ROBO2: variants seen among roughly 807,000 people sequenced by gnomAD.
ROBO2 encodes roundabout guidance receptor 2.
Under a neutral mutation model 160.8 loss-of-function variants are expected in ROBO2, and 53 were observed. The observed-to-expected ratio is 0.33, with a 90% CI of 0.26 to 0.41. The LOEUF is 0.41. Ranked by LOEUF, ROBO2 falls within the 10% of genes least tolerant of loss-of-function variation. The pLI is 1.00. For synonymous variants in ROBO2, 664 were observed against 611.7 expected, an observed-to-expected ratio of 1.09 and a Z score of -1.26; for missense variants, 1,577 against 1,722.4, an observed-to-expected ratio of 0.92 and a Z score of 1.49.
chr3:77,346,159 A>G (rs2067611281), intron 2 of ROBO2, among the ~76,000 whole-genome samples: 1 of 152,180 alleles, frequency 6.6e-6, no homozygotes, highest in African/African-American at 2.4e-5. Context: ...TAAACAAGTA[A>G]TGATTCTGTA....
chr3:77,334,806 A>G (rs1424465639), intron 2 of ROBO2, among the ~76,000 whole-genome samples: 2 of 152,160 alleles, frequency 1.3e-5, no homozygotes, highest in Non-Finnish European at 1.5e-5. Flanking sequence ...TAGGCCTTAT[A>G]ATTGAGATTT....
rs114786756 is a variant in ROBO2, at chr3:76,544,138, G to C, written c.110-553876G>C. ...TTGCCAAGACTGAGCTCATCTTGTTGAGAAATATGCTCAGTTTCTTCATGT... is the reference window on the plus strand; with the variant it reads ...TTGCCAAGACTGAGCTCATCTTGTTCAGAAATATGCTCAGTTTCTTCATGT... On this transcript the variant is annotated intron_variant, in intron 2 of 26. Transcript: ENST00000487694. Among the ~76,000 whole-genome samples the C allele has an allele frequency of 2.7e-3, 416 of 152,106 alleles. 6 individuals are homozygous for C. The highest frequency in any genetic ancestry group is 9.8e-3 in the African/African-American group (406 of 41,522).
At chr3:76,582,871 T>C (rs2108746104) in intron 2 of ROBO2, among the ~76,000 whole-genome samples, 1 of 151,990 alleles carries the variant, frequency 6.6e-6, no homozygotes, top group East Asian at 1.9e-4. Context: ...TATTTTGAGA[T>C]TTGGTAGCCT....
intron 2 of ROBO2, among the ~76,000 whole-genome samples, chr3:77,135,810 T>C (rs1284374883): frequency 6.6e-6 from 1 of 152,222 alleles, no homozygotes; most frequent in Non-Finnish European, 1.5e-5. Context: ...TTAATCATTT[T>C]CCATCACTGT....
chr3:76,500,119 TTTAA>T (rs560843029), intron 2 of ROBO2, among the ~76,000 whole-genome samples: 5 of 152,080 alleles, frequency 3.3e-5, no homozygotes, highest in Non-Finnish European at 5.9e-5. Context: ...GTTTATTTTA[TTTAA>T]TTAATTTTTT....
intron 4 of ROBO2, among the ~76,000 whole-genome samples, chr3:77,486,863 C>T (rs1456715497): frequency 6.6e-6 from 1 of 152,060 alleles, no homozygotes; most frequent in African/African-American, 2.4e-5. Flanking sequence ...CTCCATACCA[C>T]ATTGTTCTTT....
chr3:76,296,411 C>A (rs1244974387), intron 2 of ROBO2, among the ~76,000 whole-genome samples: 1 of 152,144 alleles, frequency 6.6e-6, no homozygotes, highest in Non-Finnish European at 1.5e-5. Flanking sequence ...CTGGCTTGTG[C>A]TCAGATAATT....
chr3:76,510,354 T>G (rs1335622836), intron 2 of ROBO2, among the ~76,000 whole-genome samples: 1 of 152,150 alleles, frequency 6.6e-6, no homozygotes, highest in Non-Finnish European at 1.5e-5. Flanking sequence ...GGCGTTAGAG[T>G]GACCACCATA....
chr3:76,343,701 G>C (rs1177988965), intron 2 of ROBO2, among the ~76,000 whole-genome samples: 3 of 152,008 alleles, frequency 2.0e-5, no homozygotes, highest in Admixed American at 6.6e-5. Context: ...TATTGGTGTG[G>C]TGAGATTTTG....
intron 2 of ROBO2, among the ~76,000 whole-genome samples, chr3:76,240,293 C>T (rs989406650): frequency 1.3e-5 from 2 of 152,014 alleles, no homozygotes; most frequent in African/African-American, 4.8e-5. Context: ...CCCCCACCCC[C>T]CGACAGGCCC....
chr3:77,150,754 C>T (rs1424097005), intron 2 of ROBO2, among the ~76,000 whole-genome samples: 1 of 151,674 alleles, frequency 6.6e-6, no homozygotes, highest in Non-Finnish European at 1.5e-5. Flanking sequence ...TATAAGAACA[C>T]TGGCTCCCTA....
At chr3:77,237,369 T>C (rs1462229004) in intron 2 of ROBO2, among the ~76,000 whole-genome samples, 2 of 150,806 alleles carry the variant, frequency 1.3e-5, no homozygotes, top group African/African-American at 4.9e-5. Flanking sequence ...CTAGCTTTTC[T>C]TTTCTTTTTT....
At chr3:76,587,536 A>G (rs975411698) in intron 2 of ROBO2, among the ~76,000 whole-genome samples, 3 of 152,146 alleles carry the variant, frequency 2.0e-5, no homozygotes, top group African/African-American at 7.2e-5. Context: ...AGTCCCTTAT[A>G]AAACAGTCAG....
intron 2 of ROBO2, among the ~76,000 whole-genome samples, chr3:76,360,049 C>T (rs1403710302): frequency 1.3e-5 from 2 of 151,966 alleles, no homozygotes; most frequent in African/African-American, 4.8e-5. Flanking sequence ...CACCCATGAC[C>T]AGCGTAGTTC....
chr3:76,238,324 G>A (rs1201837368), intron 2 of ROBO2, among the ~76,000 whole-genome samples: 3 of 152,156 alleles, frequency 2.0e-5, no homozygotes, highest in Non-Finnish European at 4.4e-5. Flanking sequence ...GGAAGCAAGG[G>A]ACTTCTTCAC....
At chr3:77,344,408 G>C (rs2067401046) in intron 2 of ROBO2, among the ~76,000 whole-genome samples, 1 of 152,132 alleles carries the variant, frequency 6.6e-6, no homozygotes, top group Non-Finnish European at 1.5e-5. Context: ...TTAGGAGGTA[G>C]AGCCTTTGGC....
exon 2 of ROBO2, chr3:77,098,147 C>T (rs777576206): frequency 4.3e-6 from 7 of 1,614,062 alleles, no homozygotes; most frequent in Non-Finnish European, 5.9e-6. Flanking sequence ...TTGAGTGGTA[C>T]AAAGATGGGG....
At chr3:76,093,536 CAT>C (rs1322103429) in intron 2 of ROBO2, among the ~76,000 whole-genome samples, 1 of 147,798 alleles carries the variant, frequency 6.8e-6, no homozygotes, top group African/African-American at 2.5e-5. Flanking sequence ...AATATATTCT[CAT>C]ATATATTATC....
At chr3:76,769,024 T>C (rs2061729406) in intron 2 of ROBO2, among the ~76,000 whole-genome samples, 1 of 151,408 alleles carries the variant, frequency 6.6e-6, no homozygotes, top group East Asian at 2.0e-4. Context: ...CAAAAACATA[T>C]GTAGATTAGA....
Sources: allele counts gnomAD v4.1 joint callset (sites outside exome capture counted in the v4.1 genomes callset), GRCh38; gene constraint gnomAD v4.1.1; transcripts MANE v1.5; gene names NCBI Gene and HGNC (gene_info 2026-07-23, HGNC 2026-07-21).